Variants in SLC17A1 observed in about 807,000 individuals in gnomAD.
SLC17A1 encodes sodium-dependent phosphate transport protein 1.
Under a neutral mutation model 53.5 loss-of-function variants are expected in SLC17A1, and 51 were observed. That is an observed-to-expected ratio of 0.95 (90% CI 0.76 to 1.20). SLC17A1 has a LOEUF of 1.20. SLC17A1 is among the 50% of genes most tolerant of loss of function. SLC17A1 has a pLI of 0.00. For synonymous variants in SLC17A1, 179 were observed against 198.8 expected (o/e 0.90, Z 0.84); for missense variants, 538 against 568.2 (o/e 0.95, Z 0.54).
chr6:25,824,850 C>T (rs1340945767), intron 3 of SLC17A1, among the ~76,000 whole-genome samples: 5 of 151,816 alleles, frequency 3.3e-5, no homozygotes, highest in Admixed American at 1.3e-4. Flanking sequence ...TTCTTCCTTT[C>T]AGTTCTCACA....
rs760899078 is a variant in SLC17A1, at chr6:25,812,994, T to C, written c.736-2A>G. On this transcript the variant is annotated splice_acceptor_variant, in intron 7 of 12. Coordinates refer to ENST00000244527, the MANE Select transcript of SLC17A1 (RefSeq NM_005074.5). LOFTEE classifies it high-confidence loss of function. ...CAGAGATTGTCTACTTGAACTGACC[T>C]GGAGAGAAATTCATTAAGAATTAGC... is the stretch of plus-strand genomic sequence containing the variant. 6.8e-6 allele frequency: 11 copies of C among 1,613,708 alleles called. No individual in the cohort carries two copies. Among genetic ancestry groups the C allele is most frequent in the Non-Finnish European group, 9.3e-6 (11 of 1,179,876 alleles).
intron 3 of SLC17A1, among the ~76,000 whole-genome samples, chr6:25,821,470 T>C (rs1176032059): frequency 1.3e-5 from 2 of 152,202 alleles, no homozygotes; most frequent in African/African-American, 2.4e-5. Flanking sequence ...AGCAGAATGC[T>C]CAGCCAGGTT....
chr6:25,737,444 G>GA, the SLC17A1 span, among the ~76,000 whole-genome samples: 4 of 151,812 alleles, frequency 2.6e-5, no homozygotes, highest in Non-Finnish European at 4.4e-5. Context: ...AACTATCTTT[G>GA]AAAAACCCTA....
the SLC17A1 span, among the ~76,000 whole-genome samples, chr6:25,756,346 C>T: frequency 6.6e-6 from 1 of 152,136 alleles, no homozygotes; most frequent in African/African-American, 2.4e-5. Context: ...TCAGTGTTCC[C>T]GTTTCAGCTC....
the SLC17A1 span, among the ~76,000 whole-genome samples, chr6:25,729,977 TAAAAC>T: frequency 6.6e-6 from 1 of 152,204 alleles, no homozygotes; most frequent in Non-Finnish European, 1.5e-5. Flanking sequence ...ATACTATTAA[TAAAAC>T]AATACCAAAT....
chr6:25,826,909 T>A (rs2151508188), intron 2 of SLC17A1, among the ~76,000 whole-genome samples: 1 of 152,236 alleles, frequency 6.6e-6, no homozygotes, highest in Non-Finnish European at 1.5e-5. Flanking sequence ...TAAAAGACCC[T>A]TTATAAATAC....
intron 8 of SLC17A1, 111 bp downstream of exon 8, chr6:25,812,720 A>T (rs551607097): frequency 1.4e-6 from 1 of 722,346 alleles, no homozygotes; most frequent in Non-Finnish European, 2.3e-6. Flanking sequence ...GAAGAGCAGT[A>T]GCCAGATAGT....
At chr6:25,746,195 T>A in the SLC17A1 span, among the ~76,000 whole-genome samples, 1 of 152,194 alleles carries the variant, frequency 6.6e-6, no homozygotes, top group African/African-American at 2.4e-5. Flanking sequence ...AAATAGCATA[T>A]AAATATGGAA....
At chr6:25,739,467 C>T in the SLC17A1 span, among the ~76,000 whole-genome samples, 1 of 152,090 alleles carries the variant, frequency 6.6e-6, no homozygotes, top group Non-Finnish European at 1.5e-5. Flanking sequence ...TAATGTTATG[C>T]TCACACAAAA....
the SLC17A1 span, among the ~76,000 whole-genome samples, chr6:25,763,884 G>T: frequency 2.0e-5 from 3 of 152,098 alleles, no homozygotes; most frequent in Non-Finnish European, 4.4e-5. Context: ...ATCAGTCAGG[G>T]TTATATCACA....
intron 10 of SLC17A1, among the ~76,000 whole-genome samples, chr6:25,803,228 C>T (rs953697127): frequency 1.3e-5 from 2 of 152,054 alleles, no homozygotes; most frequent in Admixed American, 6.5e-5. Context: ...TGAGCCACCA[C>T]GCCCGGCCCC....
rs754015747 is a variant in SLC17A1, at chr6:25,812,910, GT to G, written c.817del (p.Thr273ArgfsTer9). On this transcript the variant is annotated frameshift_variant, in exon 8 of 13. Coordinates refer to ENST00000244527, the MANE Select transcript of SLC17A1 (RefSeq NM_005074.5). LOFTEE classifies it high-confidence loss of function. ...CATGATGTTATGTGACCAGAAAAAC[GT>G]AAAACTACCAGTGGAAATAGCCCAG... ...PVWAISTGSF[T>X]FFWSHNIMTL... is the part of the protein sequence containing the mutation. 1.9e-6 allele frequency: 3 copies of G among 1,613,278 alleles called. No individual in the cohort carries two copies. The highest frequency in any genetic ancestry group is 2.5e-6 in the Non-Finnish European group (3 of 1,179,220).
intron 10 of SLC17A1, among the ~76,000 whole-genome samples, chr6:25,804,511 C>T (rs1489519363): frequency 2.0e-5 from 3 of 151,974 alleles, no homozygotes; most frequent in Non-Finnish European, 4.4e-5. Flanking sequence ...AACATGATGA[C>T]TGGAATAGTA....
the SLC17A1 span, among the ~76,000 whole-genome samples, chr6:25,745,738 C>T: frequency 6.6e-6 from 1 of 152,190 alleles, no homozygotes; most frequent in African/African-American, 2.4e-5. Context: ...GATGATCTGG[C>T]CTCTTTCTAG....
chr6:25,777,965 A>C (rs746620660), downstream of SLC17A1: 3 of 1,613,230 alleles, frequency 1.9e-6, no homozygotes, highest in Admixed American at 5.0e-5. Flanking sequence ...AAGTCTTTGC[A>C]CACATAGCTG....
At chr6:25,773,622 T>C in the SLC17A1 span, 3 of 1,613,864 alleles carry the variant, frequency 1.9e-6, no homozygotes, top group East Asian at 2.2e-5. Flanking sequence ...TATACCATTA[T>C]GGCGTACACA....
chr6:25,746,776 C>A, the SLC17A1 span, among the ~76,000 whole-genome samples: 1 of 152,176 alleles, frequency 6.6e-6, no homozygotes. Context: ...TCCTGCTATT[C>A]CAACCTTGCG....
chr6:25,827,252 C>A lies in SLC17A1; in HGVS notation c.35-619G>T, dbSNP rs1472489712. Among the ~76,000 whole-genome samples the A allele has an allele frequency of 4.6e-5, 7 of 151,774 alleles. No individual in the cohort carries two copies. The East Asian group carries it at 1.3e-3, about 29-fold the overall frequency. ...GTTTTTCAACAAATGGCATTTTTTT[C>A]AAGAGAAATACAGGTATATGTCTAC... On this transcript the variant is annotated intron_variant, in intron 2 of 12. Coordinates refer to ENST00000244527, the MANE Select transcript of SLC17A1 (RefSeq NM_005074.5).
chr6:25,815,779 C>T (rs368123324), intron 6 of SLC17A1, among the ~76,000 whole-genome samples: 8 of 152,096 alleles, frequency 5.3e-5, no homozygotes, highest in East Asian at 3.9e-4. Context: ...TGAAAACATG[C>T]CCTTTTTGGT....
Sources: allele counts gnomAD v4.1 joint callset (sites outside exome capture counted in the v4.1 genomes callset), GRCh38; gene constraint gnomAD v4.1.1; transcripts MANE v1.5; gene names NCBI Gene and HGNC (gene_info 2026-07-23, HGNC 2026-07-21).